MRPL35: variants seen among roughly 807,000 people sequenced by gnomAD.
The protein encoded by MRPL35 is mitochondrial ribosomal protein L35, also known as large ribosomal subunit protein bL35m.
Under a neutral mutation model 21.6 loss-of-function variants are expected in MRPL35, and 18 were observed. That is an observed-to-expected ratio of 0.83 (90% CI 0.58 to 1.24). The LOEUF is 1.24. MRPL35 is among the 50% of genes most tolerant of loss of function. MRPL35 has a pLI of 0.00. For synonymous variants in MRPL35, 87 were observed against 86.9 expected, an observed-to-expected ratio of 1.00 and a Z score of -0.01; for missense variants, 223 against 223.2, an observed-to-expected ratio of 1.00 and a Z score of 0.01.
In MRPL35 at chr2:86,208,643, C is replaced by G. The variant is rs114130282; in HGVS notation, c.378+1316C>G. The stretch of plus-strand genomic sequence containing the variant: ...TTTTTATACCAGTTATTTCCAGGTC[C>G]TCTTCTAGCCCTAGGTAAAATGAAA... On this transcript the variant is annotated intron_variant, in intron 3 of 3. Coordinates refer to ENST00000337109, the MANE Select transcript of MRPL35 (RefSeq NM_016622.4). Among the ~76,000 whole-genome samples, 723 of 152,248 alleles carry G rather than the reference C, an allele frequency of 4.7e-3. 5 individuals carry two copies. Among genetic ancestry groups the G allele is most frequent in the African/African-American group, 0.015 (609 of 41,570 alleles).
At position 86,212,104 on chromosome 2, in the gene MRPL35, A is replaced by T. The variant is rs80030533; in HGVS notation, c.*1436A>T. ...TTGAAAACCATTATTAAATAGAATT[A>T]TGCATGAATTACTGTTTCAGATCCT... On this transcript the variant is annotated 3_prime_UTR_variant, in exon 4 of 4. Coordinates refer to ENST00000337109, the MANE Select transcript of MRPL35 (RefSeq NM_016622.4). The T allele has an allele frequency of 2.3e-3, 2,678 of 1,174,036 alleles. 67 individuals are homozygous for T. The African/African-American group carries it at 0.04, about 17-fold the overall frequency. 72.7% of individuals were successfully genotyped at this position (1,174,036 alleles called of 1,614,324 possible).
chr2:86,200,650 T>C (rs1673666870), intron 1 of MRPL35, among the ~76,000 whole-genome samples: 1 of 152,208 alleles, frequency 6.6e-6, no homozygotes, highest in Admixed American at 6.5e-5. Flanking sequence ...TCATTTTGCG[T>C]AGCTGTAATG....
chr2:86,208,353 C>T (rs80245618), intron 3 of MRPL35, among the ~76,000 whole-genome samples: 1 of 151,652 alleles, frequency 6.6e-6, no homozygotes, highest in East Asian at 1.9e-4. Flanking sequence ...ATCGCCCAGG[C>T]TAGAGTGCAG....
intron 1 of MRPL35, among the ~76,000 whole-genome samples, chr2:86,199,820 A>G (rs1265345662): frequency 6.6e-6 from 1 of 152,196 alleles, no homozygotes; most frequent in Non-Finnish European, 1.5e-5. Flanking sequence ...GGGAAACCAA[A>G]AAGTCTCACC....
In MRPL35 at chr2:86,210,847, G is replaced by T; in HGVS notation, c.*179G>T. On this transcript the variant is annotated 3_prime_UTR_variant, in exon 4 of 4. Coordinates refer to ENST00000337109, the MANE Select transcript of MRPL35 (RefSeq NM_016622.4). ...AATGGATCAGACTTTGCCAGATTTG[G>T]TTAGGGAAACAGAAATTTAGAATGG... is the stretch of plus-strand genomic sequence containing the variant. 1 of 1,278,428 alleles carries T rather than the reference G, an allele frequency of 7.8e-7. No homozygotes were observed. The highest frequency in any genetic ancestry group is 1.5e-5 in the African/African-American group (1 of 66,582). The allele number at this position is 1,278,428 out of a possible 1,614,324, so 79.2% of individuals were successfully genotyped here. A position where few individuals can be genotyped will look rare whatever the true frequency, so the allele number is the denominator to read the frequency against.
Position 86,210,551 on chromosome 2 carries a change from C to T in MRPL35, c.450C>T (p.Cys150=). 1 of 1,613,738 alleles carries T rather than the reference C, an allele frequency of 6.2e-7. No homozygotes were observed. Among genetic ancestry groups the T allele is most frequent in the Non-Finnish European group, 8.5e-7 (1 of 1,179,832 alleles). ...RKKRLREFVF[C]NKTQSKLLDK... ...AGCGATTGAGGGAATTTGTATTCTG[C>T]AATAAAACCCAGAGTAAACTCTTAG... Residue 150 remains cysteine (C), a synonymous_variant, in exon 4 of 4, where the codon TGC becomes TGT. Coordinates refer to ENST00000337109, the MANE Select transcript of MRPL35 (RefSeq NM_016622.4).
At chr2:86,206,560 C>G (rs190768457) in intron 2 of MRPL35, among the ~76,000 whole-genome samples, 15 of 152,300 alleles carry the variant, frequency 9.8e-5, no homozygotes, top group Admixed American at 9.8e-4. Context: ...CCAAGATATT[C>G]ATGCCTGCAG....
chr2:86,208,078 G>T (rs1391399471), intron 3 of MRPL35, among the ~76,000 whole-genome samples: 2 of 152,158 alleles, frequency 1.3e-5, no homozygotes, highest in African/African-American at 4.8e-5. Context: ...ATGTTTGAAA[G>T]GTTGAAAGGA....
intron 1 of MRPL35, among the ~76,000 whole-genome samples, chr2:86,203,439 T>C (rs1321438642): frequency 6.6e-6 from 1 of 152,214 alleles, no homozygotes; most frequent in Admixed American, 6.5e-5. Context: ...GTCAAAACTT[T>C]GTTTCATGTA....
At chr2:86,202,389 A>G (rs990080457) in intron 1 of MRPL35, among the ~76,000 whole-genome samples, 3 of 152,246 alleles carry the variant, frequency 2.0e-5, no homozygotes, top group Non-Finnish European at 4.4e-5. Flanking sequence ...TTTTTGGGAA[A>G]ATTGATAAAT....
intron 1 of MRPL35, 128 bp downstream of exon 1, chr2:86,199,661 C>A (rs1673647210): frequency 2.9e-5 from 35 of 1,198,910 alleles, no homozygotes; most frequent in Non-Finnish European, 4.1e-5. Context: ...AAGGTTGCGC[C>A]CAATTTTCTC....
chr2:86,205,861 C>T (rs1325677651), intron 1 of MRPL35, among the ~76,000 whole-genome samples: 2 of 152,062 alleles, frequency 1.3e-5, no homozygotes, highest in South Asian at 2.1e-4. Flanking sequence ...AGCAGACATC[C>T]GACTTGGTTG....
chr2:86,208,783 G>T (rs181097382), intron 3 of MRPL35, among the ~76,000 whole-genome samples: 1 of 152,138 alleles, frequency 6.6e-6, no homozygotes, highest in Admixed American at 6.5e-5. Flanking sequence ...CTTCAGTTCA[G>T]GGCTCCCGAA....
At position 86,199,528 on chromosome 2, in the gene MRPL35, C is replaced by T. The variant is rs529104371; in HGVS notation, c.38C>T (p.Ala13Val). 8.1e-6 allele frequency: 13 copies of T among 1,614,074 alleles called. No individual in the cohort carries two copies. In the Admixed American group the frequency reaches 2.0e-4, roughly 25 times the overall value. Residue 13 changes from alanine to valine, a missense_variant, in exon 1 of 4, where the codon GCT becomes GTT. Transcript: ENST00000337109. The stretch of plus-strand genomic sequence containing the variant: ...GCCTTTGCTGGTGCAGTGAGAGCAG[C>T]TTCAGGTCAGTGGAGAGCGACATAC... The part of the protein sequence containing the change: ...ASAFAGAVRA[A>V]SGILRPLNIL...
rs115349899 is a variant in MRPL35 at position 86,204,917 on chromosome 2, C to T, written c.44-1189C>T. Among the ~76,000 whole-genome samples, 546 of 152,318 alleles carry T rather than the reference C, an allele frequency of 3.6e-3. 3 individuals carry two copies. Among genetic ancestry groups the T allele is most frequent in the African/African-American group, 0.013 (538 of 41,568 alleles). The stretch of plus-strand genomic sequence containing the variant: ...TAATAGCCTACTGTTGGCCAGAAGC[C>T]TTACCAATAACATAAACCATTGATT... On this transcript the variant is annotated intron_variant, in intron 1 of 3. Coordinates refer to ENST00000337109, the MANE Select transcript of MRPL35 (RefSeq NM_016622.4).
rs760073205 is a variant in MRPL35, at chr2:86,213,720, A to C, written c.*3052A>C. The C allele has an allele frequency of 3.6e-5, 54 of 1,518,184 alleles. No individual in the cohort carries two copies. Among genetic ancestry groups the C allele is most frequent in the Non-Finnish European group, 4.6e-5 (52 of 1,119,656 alleles). The allele number at this position is 1,518,184 out of a possible 1,614,324, so 94.0% of individuals were successfully genotyped here. A position where few individuals can be genotyped will look rare whatever the true frequency, so the allele number is the denominator to read the frequency against. ...ACAATTGAAACTCTACCAGTGGACT[A>C]TTCTATTTTCACAGCTACCTAGTTT... On this transcript the variant is annotated 3_prime_UTR_variant, in exon 4 of 4. Transcript: ENST00000337109.
At position 86,211,327 on chromosome 2, in the gene MRPL35, A is replaced by G. The variant is rs1673898471; in HGVS notation, c.*659A>G. On this transcript the variant is annotated 3_prime_UTR_variant, in exon 4 of 4. Coordinates refer to ENST00000337109, the MANE Select transcript of MRPL35 (RefSeq NM_016622.4). ...TCCTGCTGCTAGTCTCCAATTGCCA[A>G]GGGAATTTAACTGGGCCAGACTACC... 1.1e-6 allele frequency: 1 copy of G among 930,656 alleles called. No individual in the cohort carries two copies. The highest frequency in any genetic ancestry group is 1.3e-6 in the Non-Finnish European group (1 of 780,188). 57.6% of individuals were successfully genotyped at this position (930,656 alleles called of 1,614,324 possible).
At position 86,210,976 on chromosome 2, in the gene MRPL35, C is replaced by G; in HGVS notation, c.*308C>G. Reference sequence around the variant, plus strand: ...GGACAAACATAAAAAGACTCAAAAGCTACAAGTTAGCTCAAGCAATGTGAC... The same window carrying G: ...GGACAAACATAAAAAGACTCAAAAGGTACAAGTTAGCTCAAGCAATGTGAC... On this transcript the variant is annotated 3_prime_UTR_variant, in exon 4 of 4. Coordinates refer to ENST00000337109, the MANE Select transcript of MRPL35 (RefSeq NM_016622.4). The G allele has an allele frequency of 2.0e-6, 2 of 1,020,264 alleles. No individual in the cohort carries two copies. The highest frequency in any genetic ancestry group is 2.3e-6 in the Non-Finnish European group (2 of 852,616). The allele number at this position is 1,020,264 out of a possible 1,614,324, so 63.2% of individuals were successfully genotyped here. A position where few individuals can be genotyped will look rare whatever the true frequency, so the allele number is the denominator to read the frequency against.
At position 86,213,385 on chromosome 2, in the gene MRPL35, G is replaced by T. The variant is rs567919700; in HGVS notation, c.*2717G>T. On this transcript the variant is annotated 3_prime_UTR_variant, in exon 4 of 4. Transcript: ENST00000337109. ...TTTTTCCCATCTGTTCCTGCTTTTAGTCCTCTGAATCTGCTTCTTTTCTTA... is the reference window on the plus strand; with the variant it reads ...TTTTTCCCATCTGTTCCTGCTTTTATTCCTCTGAATCTGCTTCTTTTCTTA... 4 of 1,255,696 alleles carry T rather than the reference G, an allele frequency of 3.2e-6. No homozygotes were observed. Among genetic ancestry groups the T allele is most frequent in the African/African-American group, 1.5e-5 (1 of 64,656 alleles). The allele number at this position is 1,255,696 out of a possible 1,614,324, so 77.8% of individuals were successfully genotyped here. A position where few individuals can be genotyped will look rare whatever the true frequency, so the allele number is the denominator to read the frequency against.
Sources: gnomAD v4.1 joint callset for allele counts (sites outside exome capture counted in the v4.1 genomes callset) on GRCh38, gnomAD v4.1.1 for gene constraint, MANE v1.5 for transcripts, NCBI Gene and HGNC (gene_info 2026-07-23, HGNC 2026-07-21) for gene names.